Variants in CDH12 observed in about 807,000 individuals in gnomAD.
CDH12 encodes cadherin 12.
Under a neutral mutation model 74.1 loss-of-function variants are expected in CDH12, and 41 were observed. The ratio of observed to expected loss-of-function variants is 0.55; its 90% CI spans 0.43 to 0.72. The LOEUF (loss-of-function observed/expected upper bound fraction) is 0.72, where lower values mean the gene tolerates loss of function less well. CDH12 is among the 30% of genes least tolerant of loss of function. The pLI, the probability that CDH12 is intolerant of heterozygous loss-of-function variation, is 0.00. For synonymous variants in CDH12, 399 were observed against 355.0 expected (o/e 1.12, Z -1.39); for missense variants, 945 against 977.2 (o/e 0.97, Z 0.44).
At chr5:21,937,315 T>A (rs1368035510) in intron 6 of CDH12, among the ~76,000 whole-genome samples, 2 of 152,140 alleles carry the variant, frequency 1.3e-5, no homozygotes, top group Non-Finnish European at 2.9e-5. Flanking sequence ...GTGATTATAT[T>A]TGCTTTTTAG....
At chr5:21,794,097 T>C (rs568175513) in intron 10 of CDH12, among the ~76,000 whole-genome samples, 6 of 151,614 alleles carry the variant, frequency 4.0e-5, no homozygotes, top group Non-Finnish European at 8.9e-5. Context: ...GTGAGTTTTT[T>C]CAAATCGAAT....
At chr5:21,853,020 T>A (rs1750554158) in intron 7 of CDH12, among the ~76,000 whole-genome samples, 1 of 151,726 alleles carries the variant, frequency 6.6e-6, no homozygotes, top group Non-Finnish European at 1.5e-5. Context: ...CAGGCCTTCT[T>A]AATTCCTCCG....
chr5:22,422,900 T>C (rs1279270100), intron 2 of CDH12, among the ~76,000 whole-genome samples: 1 of 152,146 alleles, frequency 6.6e-6, no homozygotes. Flanking sequence ...ATATTATTTT[T>C]CTTGATAGAA....
Position 22,054,862 on chromosome 5 carries a change from A to G in CDH12, c.231+23584T>C, listed in dbSNP as rs182869700. 2.0e-3 allele frequency among the ~76,000 whole-genome samples: 306 copies of G among 152,292 alleles called. 4 individuals are homozygous for G. The highest frequency in any genetic ancestry group is 6.8e-3 in the African/African-American group (281 of 41,584). On this transcript the variant is annotated intron_variant, in intron 5 of 14. Transcript: ENST00000382254. ...GACAGTGATACTGTTTTAGACTTAG[A>G]ATGCAGTTAATTCCACAATGGGCAT...
intron 4 of CDH12, among the ~76,000 whole-genome samples, chr5:22,177,183 G>A (rs2150334224): frequency 6.6e-6 from 1 of 152,242 alleles, no homozygotes; most frequent in African/African-American, 2.4e-5. Flanking sequence ...TGCAGGTTCT[G>A]CAGAAATCCT....
chr5:22,738,413 A>G (rs1378492416), intron 1 of CDH12, among the ~76,000 whole-genome samples: 2 of 152,070 alleles, frequency 1.3e-5, no homozygotes, highest in Non-Finnish European at 2.9e-5. Context: ...TGCTTTGTCC[A>G]TAAGCAAGAT....
At chr5:22,815,625 C>T (rs904438354) in intron 1 of CDH12, among the ~76,000 whole-genome samples, 5 of 151,568 alleles carry the variant, frequency 3.3e-5, no homozygotes, top group Non-Finnish European at 5.9e-5. Flanking sequence ...CAAAAATTAG[C>T]CGGGCATGGT....
chr5:21,859,933 TG>T (rs1750946474), intron 6 of CDH12, among the ~76,000 whole-genome samples: 1 of 151,764 alleles, frequency 6.6e-6, no homozygotes. Flanking sequence ...TTAACATCAA[TG>T]GGAAACTACA....
chr5:21,982,423 A>T (rs1263920037), intron 5 of CDH12, among the ~76,000 whole-genome samples: 1 of 151,882 alleles, frequency 6.6e-6, no homozygotes, highest in East Asian at 1.9e-4. Flanking sequence ...ATTCCTTATA[A>T]CAAATCTTTA....
intron 4 of CDH12, among the ~76,000 whole-genome samples, chr5:22,137,505 G>GT: frequency 6.6e-6 from 1 of 152,016 alleles, no homozygotes; most frequent in Admixed American, 6.6e-5. Context: ...CTCTTTCATT[G>GT]TAAGTTCCCC....
intron 6 of CDH12, among the ~76,000 whole-genome samples, chr5:21,957,980 T>A (rs560930086): frequency 6.6e-6 from 1 of 152,232 alleles, no homozygotes; most frequent in East Asian, 1.9e-4. Flanking sequence ...TGAATTATAA[T>A]CTCCATAATC....
At chr5:21,964,510 A>G (rs1756497945) in intron 6 of CDH12, among the ~76,000 whole-genome samples, 1 of 152,002 alleles carries the variant, frequency 6.6e-6, no homozygotes, top group African/African-American at 2.4e-5. Flanking sequence ...CCCATAAAAT[A>G]ATCTTTGGAA....
At chr5:21,798,512 C>T (rs1034624433) in intron 10 of CDH12, among the ~76,000 whole-genome samples, 2 of 151,996 alleles carry the variant, frequency 1.3e-5, no homozygotes, top group African/African-American at 4.8e-5. Context: ...AGAATAAAAG[C>T]ATTTGTTATG....
chr5:22,338,857 C>G lies in CDH12; in HGVS notation c.-333+66400G>C, dbSNP rs982909863. ...TTGAAGAAGTAAGCTCCTATGTTGTCAGATGGCTGAGTAGGACAATGTGGA... is the reference window on the plus strand; with the variant it reads ...TTGAAGAAGTAAGCTCCTATGTTGTGAGATGGCTGAGTAGGACAATGTGGA... On this transcript the variant is annotated intron_variant, in intron 3 of 14. Coordinates refer to ENST00000382254, the MANE Select transcript of CDH12 (RefSeq NM_004061.5). Among the ~76,000 whole-genome samples, 3 of 152,252 alleles carry G rather than the reference C, an allele frequency of 2.0e-5. No homozygotes were observed. In the East Asian group the frequency reaches 5.8e-4, roughly 29 times the overall value.
chr5:21,911,229 T>C (rs1239146267), intron 6 of CDH12, among the ~76,000 whole-genome samples: 1 of 152,122 alleles, frequency 6.6e-6, no homozygotes, highest in Non-Finnish European at 1.5e-5. Context: ...CTCATTAAAG[T>C]CATAAACTAA....
chr5:22,251,303 G>T (rs969206362), intron 3 of CDH12, among the ~76,000 whole-genome samples: 3 of 152,118 alleles, frequency 2.0e-5, no homozygotes, highest in Non-Finnish European at 4.4e-5. Flanking sequence ...ATGGACAGGT[G>T]GTAAGGCCAT....
intron 3 of CDH12, among the ~76,000 whole-genome samples, chr5:22,263,492 A>C (rs1392364810): frequency 6.6e-6 from 1 of 152,114 alleles, no homozygotes; most frequent in African/African-American, 2.4e-5. Flanking sequence ...AGTAAGTAAA[A>C]GTCAGGCACC....
chr5:22,573,757 A>T (rs1354072607), intron 1 of CDH12, among the ~76,000 whole-genome samples: 3 of 152,140 alleles, frequency 2.0e-5, no homozygotes, highest in African/African-American at 7.2e-5. Flanking sequence ...ACAAAGTATT[A>T]GATAAGCTTC....
intron 5 of CDH12, among the ~76,000 whole-genome samples, chr5:22,001,702 A>G (rs1580094105): frequency 6.6e-6 from 1 of 150,714 alleles, no homozygotes; most frequent in East Asian, 1.9e-4. Flanking sequence ...CTGTACTCAT[A>G]CTGCATATAC....
Sources: allele counts gnomAD v4.1 joint callset (sites outside exome capture counted in the v4.1 genomes callset), GRCh38; gene constraint gnomAD v4.1.1; transcripts MANE v1.5; gene names NCBI Gene and HGNC (gene_info 2026-07-23, HGNC 2026-07-21).